The following TSHB variants were observed in gnomAD, a reference collection of about 807,000 sequenced individuals.
TSHB encodes the protein thyrotropin subunit beta.
A neutral mutation model predicts 9.3 loss-of-function variants in TSHB; 9 were observed. The ratio of observed to expected loss-of-function variants is 0.97; its 90% CI spans 0.58 to 1.69. TSHB has a LOEUF of 1.69. TSHB is among the 40% of genes most tolerant of loss of function. The pLI, the probability that TSHB is intolerant of heterozygous loss-of-function variation, is 0.00. For missense variants in TSHB, 182 were observed against 168.5 expected (o/e 1.08, Z -0.44); for synonymous variants, 57 against 57.2 (o/e 1.00, Z 0.01).
At chr1:115,031,832 A>C (rs765793760) in intron 1 of TSHB, among the ~76,000 whole-genome samples, 2 of 152,058 alleles carry the variant, frequency 1.3e-5, no homozygotes, top group Non-Finnish European at 2.9e-5. Context: ...ATACCAAACA[A>C]ACCTTCCGTG....
chr1:115,030,138 TTC>T (rs1053294304), intron 1 of TSHB, among the ~76,000 whole-genome samples: 1 of 152,088 alleles, frequency 6.6e-6, no homozygotes, highest in Non-Finnish European at 1.5e-5. Context: ...CATGGCTTTC[TTC>T]TGTTTTCATT....
rs1282513731 is a variant in TSHB, at chr1:115,034,103, C to T, written c.293C>T (p.Pro98Leu). The change falls in exon 3 of 3, where the codon CCT becomes CTT. Residue 98 changes from proline to leucine, a missense_variant. Pro to Leu is a moderately conservative substitution (Grantham distance 98). Transcript: ENST00000256592. ...CATGTTGCTCCCTATTTTTCCTATCCTGTTGCTTTAAGCTGTAAGTGTGGC... is the reference window on the plus strand; with the variant it reads ...CATGTTGCTCCCTATTTTTCCTATCTTGTTGCTTTAAGCTGTAAGTGTGGC... ...PLHVAPYFSY[P>L]VALSCKCGKC... 3.1e-6 allele frequency: 5 copies of T among 1,613,772 alleles called. No homozygotes were observed. The highest frequency in any genetic ancestry group is 1.7e-5 in the Admixed American group (1 of 59,978).
chr1:115,033,693 C>T (rs1038146448), intron 2 of TSHB, 169 bp downstream of exon 2: 1 of 223,198 alleles, frequency 4.5e-6, no homozygotes, highest in Non-Finnish European at 7.5e-6. Context: ...TGAATCTACT[C>T]AGCACAATGG....
Position 115,033,583 on chromosome 1 carries a change from T to C in TSHB, c.162+59T>C, listed in dbSNP as rs539954804. ...ATTATATAAGCCCTGAAGAAGTCCA[T>C]TCCTATATAGAAAGGAAATGAAATA... On this transcript the variant is annotated intron_variant, in intron 2 of 2. Transcript: ENST00000256592. 3.5e-6 allele frequency: 5 copies of C among 1,433,088 alleles called. No individual in the cohort carries two copies. In the South Asian group the frequency reaches 5.7e-5, roughly 16 times the overall value. The allele number at this position is 1,433,088 out of a possible 1,614,324, so 88.8% of individuals were successfully genotyped here.
Position 115,034,261 on chromosome 1 carries a change from T to C in TSHB, c.*34T>C, listed in dbSNP as rs776922825. ...TAATTTGCAATTTGGTTAAATGTGC[T>C]TGCCTGAAATAAAGCTAATAAAAAT... is the stretch of plus-strand genomic sequence containing the variant. On this transcript the variant is annotated 3_prime_UTR_variant, in exon 3 of 3. Coordinates refer to ENST00000256592, the MANE Select transcript of TSHB (RefSeq NM_000549.5). 2 of 1,598,510 alleles carry C rather than the reference T, an allele frequency of 1.3e-6. No individual in the cohort carries two copies. The highest frequency in any genetic ancestry group is 1.7e-6 in the Non-Finnish European group (2 of 1,166,202).
rs1409975467 is a variant in TSHB, at chr1:115,034,250, G to A, written c.*23G>A. The A allele has an allele frequency of 6.2e-7, 1 of 1,611,400 alleles. No homozygotes were observed. Among genetic ancestry groups the A allele is most frequent in the East Asian group, 2.2e-5 (1 of 44,858 alleles). On this transcript the variant is annotated 3_prime_UTR_variant, in exon 3 of 3. Transcript: ENST00000256592. ...TAATAGTGATATAATTTGCAATTTGGTTAAATGTGCTTGCCTGAAATAAAG... is the reference window on the plus strand; with the variant it reads ...TAATAGTGATATAATTTGCAATTTGATTAAATGTGCTTGCCTGAAATAAAG...
intron 2 of TSHB, 125 bp downstream of exon 2, chr1:115,033,649 C>A: frequency 1.1e-6 from 1 of 949,694 alleles, no homozygotes; most frequent in African/African-American, 1.6e-5. Flanking sequence ...TTATTGGCTC[C>A]TTAGAAGCAG....
At chr1:115,033,899 T>C in intron 2 of TSHB, 74 bp from the exon 3 acceptor site, 1 of 1,572,004 alleles carries the variant, frequency 6.4e-7, no homozygotes, top group Non-Finnish European at 8.7e-7. Flanking sequence ...AGTGAATTTA[T>C]TTTTATGTTT....
chr1:115,032,686 A>G (rs997897916), intron 1 of TSHB, among the ~76,000 whole-genome samples: 10 of 152,016 alleles, frequency 6.6e-5, no homozygotes, highest in Admixed American at 2.6e-4. Context: ...AGTAGACCTA[A>G]AATAATTATG....
Position 115,029,879 on chromosome 1 carries a change from A to C in TSHB, c.-2+19A>C, listed in dbSNP as rs1278737896. The C allele has an allele frequency of 6.6e-6, 1 of 152,510 alleles. No homozygotes were observed. Among genetic ancestry groups the C allele is most frequent in the Non-Finnish European group, 1.5e-5 (1 of 67,944 alleles). The allele number at this position is 152,510 out of a possible 1,614,324, so 9.4% of individuals were successfully genotyped here. On this transcript the variant is annotated intron_variant, in intron 1 of 2. Coordinates refer to ENST00000256592, the MANE Select transcript of TSHB (RefSeq NM_000549.5). ...AAGTAAGGTAGGTGTCTATAGTGAG[A>C]AGGCTCTGTGAAATGATATGTTCTT...
Position 115,033,503 on chromosome 1 carries a change from T to G in TSHB, c.141T>G (p.Cys47Trp). The change falls in exon 2 of 3, where the codon TGT (cysteine) becomes TGG (tryptophan). Residue 47 changes from cysteine (C) to tryptophan (W), a missense_variant. By Grantham distance (215) the Cys-to-Trp change is radical. Transcript: ENST00000256592. ...GCCTAACCATCAACACCACCATCTG[T>G]GCTGGATATTGTATGACACGGGTAT... is the stretch of plus-strand genomic sequence containing the variant. ...AYCLTINTTI[C>W]AGYCMTRDIN... 1 of 1,613,322 alleles carries G rather than the reference T, an allele frequency of 6.2e-7. No individual in the cohort carries two copies. Among genetic ancestry groups the G allele is most frequent in the African/African-American group, 1.3e-5 (1 of 75,004 alleles).
intron 1 of TSHB, among the ~76,000 whole-genome samples, chr1:115,031,225 A>G (rs552981705): frequency 1.3e-5 from 2 of 152,170 alleles, no homozygotes; most frequent in South Asian, 2.1e-4. Context: ...TTGTACAGAT[A>G]CTGTGGCTGG....
chr1:115,033,559 T>G, intron 2 of TSHB, 35 bp downstream of exon 2: 2 of 1,570,594 alleles, frequency 1.3e-6, no homozygotes, highest in Non-Finnish European at 1.8e-6. Context: ...TGGCTGTAAA[T>G]TATATAAGCC....
intron 1 of TSHB, among the ~76,000 whole-genome samples, chr1:115,031,775 C>G (rs562323439): frequency 2.6e-5 from 4 of 152,000 alleles, no homozygotes; most frequent in Non-Finnish European, 5.9e-5. Context: ...TTGAGAAAGC[C>G]AGATTCCATG....
At chr1:115,030,999 ACT>A (rs1674883490) in intron 1 of TSHB, among the ~76,000 whole-genome samples, 4 of 120,876 alleles carry the variant, frequency 3.3e-5, no homozygotes, top group Non-Finnish European at 5.7e-5. Context: ...TAGATCACTA[ACT>A]CTTAATCAAT....
chr1:115,030,555 AAAG>A (rs1316880882), intron 1 of TSHB, among the ~76,000 whole-genome samples: 1 of 152,016 alleles, frequency 6.6e-6, no homozygotes, highest in Non-Finnish European at 1.5e-5. Flanking sequence ...TAAGAGAAAA[AAAG>A]AGAGGAAAGA....
chr1:115,031,476 T>C (rs1375442482), intron 1 of TSHB, among the ~76,000 whole-genome samples: 1 of 152,028 alleles, frequency 6.6e-6, no homozygotes, highest in East Asian at 1.9e-4. Flanking sequence ...GGAAGAATTC[T>C]GTTTCTTAAT....
intron 1 of TSHB, 100 bp downstream of exon 1, chr1:115,029,960 T>C (rs577131274): frequency 3.2e-4 from 49 of 152,628 alleles, no homozygotes; most frequent in African/African-American, 1.2e-3. Flanking sequence ...TGGCAAATGC[T>C]GAAAGATAAT....
Position 115,033,344 on chromosome 1 carries a change from A to G in TSHB, c.-1-18A>G. 6.2e-7 allele frequency: 1 copy of G among 1,612,588 alleles called. No individual in the cohort carries two copies. The highest frequency in any genetic ancestry group is 1.3e-5 in the African/African-American group (1 of 74,920). ...CTGATTTTAACAAATAGGTTCTTTAATTTTATCTTTGATTTAGCATGACTG... is the reference window on the plus strand; with the variant it reads ...CTGATTTTAACAAATAGGTTCTTTAGTTTTATCTTTGATTTAGCATGACTG... On this transcript the variant is annotated intron_variant, in intron 1 of 2. Transcript: ENST00000256592.
Sources: gnomAD v4.1 joint callset for allele counts (sites outside exome capture counted in the v4.1 genomes callset) on GRCh38, gnomAD v4.1.1 for gene constraint, MANE v1.5 for transcripts, NCBI Gene and HGNC (gene_info 2026-07-23, HGNC 2026-07-21) for gene names.